Variants in GJA5 observed in about 807,000 individuals in gnomAD.
The protein encoded by GJA5 is gap junction protein alpha 5.
In GJA5, 3 loss-of-function variants were observed where a neutral mutation model predicts 7.9. The observed-to-expected ratio is 0.38, with a 90% CI of 0.17 to 0.99. The LOEUF (loss-of-function observed/expected upper bound fraction) is 0.99. GJA5 is among the 50% of genes least tolerant of loss of function. The pLI is 0.38. For missense variants in GJA5, 390 were observed against 457.9 expected (o/e 0.85, Z 1.35); for synonymous variants, 193 against 181.0 (o/e 1.07, Z -0.53).
At chr1:147,767,930 T>G (rs1329557888) in intron 1 of GJA5, among the ~76,000 whole-genome samples, 1 of 152,136 alleles carries the variant, frequency 6.6e-6, no homozygotes, top group Non-Finnish European at 1.5e-5. Context: ...GGATAGGGAG[T>G]TGATTGTAGG....
upstream of GJA5, among the ~76,000 whole-genome samples, chr1:147,760,985 G>GC (rs1663985453): frequency 6.6e-6 from 1 of 152,120 alleles, no homozygotes; most frequent in Admixed American, 6.5e-5. Flanking sequence ...ATAGGAGTGA[G>GC]CCTCACTTAG....
upstream of GJA5, among the ~76,000 whole-genome samples, chr1:147,763,258 T>C (rs1161833298): frequency 6.6e-6 from 1 of 152,248 alleles, no homozygotes; most frequent in Non-Finnish European, 1.5e-5. Context: ...ACAATGAGGA[T>C]ACAGCAGGAA....
rs1553227111 is a variant in GJA5 at position 147,759,192 on chromosome 1, T to C, written c.47A>G (p.Lys16Arg). The C allele has an allele frequency of 6.2e-7, 1 of 1,614,104 alleles. No homozygotes were observed. The change falls in exon 2 of 2, where the codon AAG becomes AGG. Residue 16 changes from lysine to arginine, a missense_variant. Physicochemically the swap from Lys to Arg is conservative, Grantham distance 26. This residue lies in a region of GJA5 where 36 missense variants were observed against 87.1 expected (regional missense o/e 0.41). Transcript: ENST00000579774. Reference sequence around the variant, plus strand: ...GACCTTGCCTACCACGGTCGAGTGCTTGTGTACTTCCTCCAGGAAATTTCC... The same window carrying C: ...GACCTTGCCTACCACGGTCGAGTGCCTGTGTACTTCCTCCAGGAAATTTCC... ...FLGNFLEEVH[K>R]HSTVVGKVWL...
chr1:147,763,048 A>C (rs142945517), upstream of GJA5, among the ~76,000 whole-genome samples: 166 of 152,322 alleles, frequency 1.1e-3, 3 homozygotes, highest in East Asian at 0.026. Context: ...AACCCTGTAC[A>C]GTCTTATGCT....
rs1369881649 is a variant in GJA5 at position 147,757,201 on chromosome 1, G to A, written c.*961C>T. ...TTTCTTTGTTTTAACAAGGCCTGGG[G>A]AAATTCCACTGGCCTCAGTGGCTGA... is the stretch of plus-strand genomic sequence containing the variant. On this transcript the variant is annotated 3_prime_UTR_variant, in exon 2 of 2. Transcript: ENST00000579774. The A allele has an allele frequency of 4.6e-5, 7 of 152,214 alleles. No homozygotes were observed. Among genetic ancestry groups the A allele is most frequent in the Non-Finnish European group, 1.0e-4 (7 of 68,062 alleles). 9.4% of individuals were successfully genotyped at this position (152,214 alleles called of 1,614,324 possible).
chr1:147,760,970 G>A (rs1323996707), upstream of GJA5, among the ~76,000 whole-genome samples: 5 of 152,000 alleles, frequency 3.3e-5, no homozygotes, highest in Admixed American at 1.3e-4. Context: ...CCCATCCCCC[G>A]GTGAATAGGA....
At chr1:147,767,590 G>A (rs1437983953) in intron 1 of GJA5, among the ~76,000 whole-genome samples, 5 of 149,836 alleles carry the variant, frequency 3.3e-5, no homozygotes, top group Admixed American at 6.7e-5. Context: ...TAGAGATGGG[G>A]TTTTGTCCTG....
chr1:147,763,423 A>G (rs1202700806), upstream of GJA5, among the ~76,000 whole-genome samples: 3 of 152,198 alleles, frequency 2.0e-5, no homozygotes, highest in African/African-American at 7.2e-5. Context: ...GTGGGGCAGG[A>G]GCCTGAATCT....
chr1:147,770,832 G>A (rs1664369807), intron 1 of GJA5, among the ~76,000 whole-genome samples: 1 of 152,084 alleles, frequency 6.6e-6, no homozygotes, highest in Non-Finnish European at 1.5e-5. Context: ...TATTCTCAAA[G>A]TGCATCAAGC....
chr1:147,770,290 G>T (rs1210351085), intron 1 of GJA5, among the ~76,000 whole-genome samples: 2 of 152,184 alleles, frequency 1.3e-5, no homozygotes, highest in African/African-American at 4.8e-5. Context: ...AAACAAAAGT[G>T]TAGAGGCTCT....
In GJA5 at chr1:147,758,105, T is replaced by C; in HGVS notation, c.*57A>G. The C allele has an allele frequency of 8.4e-7, 1 of 1,196,998 alleles. No individual in the cohort carries two copies. Among genetic ancestry groups the C allele is most frequent in the Non-Finnish European group, 1.3e-6 (1 of 799,606 alleles). The allele number at this position is 1,196,998 out of a possible 1,614,324, so 74.1% of individuals were successfully genotyped here. On this transcript the variant is annotated 3_prime_UTR_variant, in exon 2 of 2. Transcript: ENST00000579774. Reference sequence around the variant, plus strand: ...AGCATCAGTTCAGAAGGGACACGTCTTTCCTCTCTGAGCCTCCTTTGTTCC... The same window carrying C: ...AGCATCAGTTCAGAAGGGACACGTCCTTCCTCTCTGAGCCTCCTTTGTTCC...
At chr1:147,770,580 A>T (rs73001809) in intron 1 of GJA5, among the ~76,000 whole-genome samples, 4,988 of 152,298 alleles carry the variant, frequency 0.033, 282 homozygotes, top group African/African-American at 0.11. Context: ...TCTTTGGCAG[A>T]TGAAGAAACT....
chr1:147,760,347 A>G (rs791279), intron 1 of GJA5, among the ~76,000 whole-genome samples, 152 bp downstream of exon 1: 8,528 of 151,966 alleles, frequency 0.056, 548 homozygotes, highest in East Asian at 0.22. Flanking sequence ...GTCTTCCCAA[A>G]TGCCCTCCTT....
chr1:147,765,639 T>G (rs1553228075), intron 1 of GJA5, among the ~76,000 whole-genome samples: 1 of 152,156 alleles, frequency 6.6e-6, no homozygotes, highest in South Asian at 2.1e-4. Context: ...GAGCAGAGCA[T>G]GGAAGGAGAG....
At chr1:147,767,112 C>A (rs1329808540) in intron 1 of GJA5, among the ~76,000 whole-genome samples, 2 of 152,194 alleles carry the variant, frequency 1.3e-5, no homozygotes, top group African/African-American at 4.8e-5. Flanking sequence ...CCAATAATTT[C>A]TCCTTAAAAT....
At chr1:147,764,943 T>C (rs1211529960), upstream of GJA5, among the ~76,000 whole-genome samples, 2 of 152,074 alleles carry the variant, frequency 1.3e-5, no homozygotes, top group East Asian at 3.8e-4. Flanking sequence ...GTCTTCTACT[T>C]TGCATTCTTA....
chr1:147,761,156 CA>C (rs1231792172), upstream of GJA5, among the ~76,000 whole-genome samples: 4 of 152,158 alleles, frequency 2.6e-5, no homozygotes, highest in African/African-American at 9.7e-5. Context: ...AATGTTCTTA[CA>C]GTTTAAGCCT....
chr1:147,769,526 C>T (rs782457377), intron 1 of GJA5, among the ~76,000 whole-genome samples: 1 of 152,166 alleles, frequency 6.6e-6, no homozygotes, highest in Non-Finnish European at 1.5e-5. Context: ...CATATAGGCA[C>T]TCAATGATAT....
chr1:147,768,303 G>C (rs1664278921), intron 1 of GJA5, among the ~76,000 whole-genome samples: 1 of 152,162 alleles, frequency 6.6e-6, no homozygotes, highest in African/African-American at 2.4e-5. Context: ...GAGACACCCT[G>C]CTGGCAGACA....
Sources: gnomAD v4.1 joint callset for allele counts (sites outside exome capture counted in the v4.1 genomes callset) on GRCh38, gnomAD v4.1.1 for gene constraint, gnomAD v4.1.1 regional missense constraint, MANE v1.5 for transcripts, NCBI Gene and HGNC (gene_info 2026-07-23, HGNC 2026-07-21) for gene names.